ACAD9: variants seen among roughly 807,000 people sequenced by gnomAD.
The protein encoded by ACAD9 is complex I assembly factor ACAD9, mitochondrial.
ACAD9 carries 53 observed loss-of-function variants against 70.2 expected under a neutral mutation model. The ratio of observed to expected loss-of-function variants is 0.75; its 90% CI spans 0.61 to 0.95. ACAD9 has a LOEUF of 0.95. ACAD9 is among the 40% of genes least tolerant of loss of function. The probability of loss-of-function intolerance (pLI) is 0.00; values close to 1 mark genes in which losing one functional copy is unlikely to be tolerated. For missense variants in ACAD9, 777 were observed against 802.8 expected (o/e 0.97, Z 0.39); for synonymous variants, 313 against 312.1 (o/e 1.00, Z -0.03).
intron 16 of ACAD9, 63 bp downstream of exon 16, chr3:128,910,212 G>A (rs1476084999): frequency 2.5e-6 from 4 of 1,610,738 alleles, no homozygotes; most frequent in South Asian, 1.1e-5. Flanking sequence ...GCACTTTAAT[G>A]AAGTTGATTG....
rs1419179551 is a variant in ACAD9, at chr3:128,880,063, C to G, written c.150+222C>G. On this transcript the variant is annotated intron_variant, in intron 1 of 17. Coordinates refer to ENST00000308982, the MANE Select transcript of ACAD9 (RefSeq NM_014049.5). ...GGGACCCTTGGAAATGTGGTGGTGA[C>G]GTGTTCCAGCTAAATTTTGTCAGGG... 5 of 1,503,204 alleles carry G rather than the reference C, an allele frequency of 3.3e-6. No homozygotes were observed. The East Asian group carries it at 1.3e-4, about 38-fold the overall frequency. The allele number at this position is 1,503,204 out of a possible 1,614,324, so 93.1% of individuals were successfully genotyped here.
At chr3:128,885,083 G>A (rs1298075888) in intron 2 of ACAD9, among the ~76,000 whole-genome samples, 1 of 152,234 alleles carries the variant, frequency 6.6e-6, no homozygotes. Context: ...GCATGTGTTG[G>A]TTGTTGTGGC....
In ACAD9 at chr3:128,904,049, T is replaced by A. The variant is rs1365010525; in HGVS notation, c.959-13T>A. 9.3e-6 allele frequency: 15 copies of A among 1,613,624 alleles called. No homozygotes were observed. In the Middle Eastern group the frequency reaches 6.6e-4, roughly 71 times the overall value. ...ATATTCCAGTTCATTCTAATAACTC[T>A]GCTCTTCCTCAGAAATGACTGCTGA... On this transcript the variant is annotated splice_polypyrimidine_tract_variant and intron_variant, in intron 9 of 17. Coordinates refer to ENST00000308982, the MANE Select transcript of ACAD9 (RefSeq NM_014049.5).
At position 128,910,150 on chromosome 3, in the gene ACAD9, G is replaced by A. The variant is rs928866725; in HGVS notation, c.1692+1G>A. 5.0e-6 allele frequency: 8 copies of A among 1,613,910 alleles called. No individual in the cohort carries two copies. The highest frequency in any genetic ancestry group is 1.3e-5 in the African/African-American group (1 of 74,948). ...TGGGCTCCGCAACCACGACCACGAG[G>A]TGAGCCCAGCCCAGCCTCACACAGG... On this transcript the variant is annotated splice_donor_variant, in intron 16 of 17. Transcript: ENST00000308982. LOFTEE classifies it high-confidence loss of function.
chr3:128,909,967 T>C, intron 15 of ACAD9, 54 bp from the exon 16 acceptor site: 14 of 1,604,054 alleles, frequency 8.7e-6, no homozygotes, highest in South Asian at 2.3e-5. Context: ...GGAGGGACCA[T>C]GTGGGGGACT....
chr3:128,884,503 G>T, intron 1 of ACAD9, 150 bp from the exon 2 acceptor site: 1 of 619,310 alleles, frequency 1.6e-6, no homozygotes. Context: ...CAGGAACCTT[G>T]TGAGGTTTGC....
chr3:128,901,954 T>C (rs1435694935), intron 8 of ACAD9, among the ~76,000 whole-genome samples: 2 of 152,254 alleles, frequency 1.3e-5, no homozygotes, highest in Non-Finnish European at 2.9e-5. Context: ...TGCAGTCATA[T>C]ACAAGATCCA....
chr3:128,909,443 T>C, intron 15 of ACAD9, 22 bp downstream of exon 15: 1 of 1,613,134 alleles, frequency 6.2e-7, no homozygotes, highest in Non-Finnish European at 8.5e-7. Context: ...CTCCCAGGCC[T>C]GGGTCGCAAG....
At chr3:128,894,506 G>A (rs912287886) in intron 3 of ACAD9, among the ~76,000 whole-genome samples, 3 of 151,442 alleles carry the variant, frequency 2.0e-5, no homozygotes, top group African/African-American at 7.3e-5. Context: ...ACACAGAAAT[G>A]CGCTTTCTGA....
intron 12 of ACAD9, among the ~76,000 whole-genome samples, chr3:128,907,942 G>A (rs555837713): frequency 1.3e-5 from 2 of 152,194 alleles, no homozygotes; most frequent in African/African-American, 4.8e-5. Context: ...CTTGACACAC[G>A]TGAGGCTGGT....
chr3:128,895,247 A>T, intron 3 of ACAD9, 63 bp from the exon 4 acceptor site: 1 of 1,309,980 alleles, frequency 7.6e-7, no homozygotes, highest in Non-Finnish European at 1.1e-6. Flanking sequence ...AAAAAAGCCA[A>T]TGAAGCCTTA....
In ACAD9 at chr3:128,879,714, T is replaced by A. The variant is rs765582380; in HGVS notation, c.23T>A (p.Leu8Gln). The A allele has an allele frequency of 6.2e-6, 10 of 1,612,930 alleles. No homozygotes were observed. The highest frequency in any genetic ancestry group is 8.5e-6 in the Non-Finnish European group (10 of 1,179,932). MSGCGLF[L>Q]RTTAAARACR... is the part of the protein sequence containing the mutation. ...AGCATGAGCGGCTGCGGGCTCTTCCTGCGCACCACGGCTGCGGCTCGTGCC... is the reference window on the plus strand; with the variant it reads ...AGCATGAGCGGCTGCGGGCTCTTCCAGCGCACCACGGCTGCGGCTCGTGCC... Residue 8 changes from leucine (L) to glutamine (Q), a missense_variant, in exon 1 of 18, where the codon CTG becomes CAG. By Grantham distance (113) the Leu-to-Gln change is moderately radical (BLOSUM62 -2). Transcript: ENST00000308982.
At position 128,909,526 on chromosome 3, in the gene ACAD9, G is replaced by C. The variant is rs958884971; in HGVS notation, c.1563+105G>C. The C allele has an allele frequency of 4.8e-6, 6 of 1,244,304 alleles. No homozygotes were observed. In the African/African-American group the frequency reaches 8.8e-5, roughly 18 times the overall value. 77.1% of individuals were successfully genotyped at this position (1,244,304 alleles called of 1,614,324 possible). A position where few individuals can be genotyped will look rare whatever the true frequency, so the allele number is the denominator to read the frequency against. ...ATCCTTTGGGACCAGGCCTAGAACA[G>C]AAATGTTGATCACCCTGGAGGGATG... On this transcript the variant is annotated intron_variant, in intron 15 of 17. Transcript: ENST00000308982.
At chr3:128,909,799 TG>T in intron 15 of ACAD9, 1 of 657,780 alleles carries the variant, frequency 1.5e-6, no homozygotes, top group Non-Finnish European at 2.6e-6. Flanking sequence ...TTCTGGGACC[TG>T]GTCTTGCCTT....
chr3:128,880,524 C>T (rs1429722573), intron 1 of ACAD9, among the ~76,000 whole-genome samples: 1 of 150,440 alleles, frequency 6.6e-6, no homozygotes, highest in African/African-American at 2.5e-5. Context: ...TCCGGAGTAG[C>T]TGGGATTACA....
chr3:128,902,069 G>A lies in ACAD9; in HGVS notation c.883-484G>A, dbSNP rs1444781307. 2.0e-5 allele frequency among the ~76,000 whole-genome samples: 3 copies of A among 152,190 alleles called. No homozygotes were observed. Among genetic ancestry groups the A allele is most frequent in the African/African-American group, 4.8e-5 (2 of 41,438 alleles). The stretch of plus-strand genomic sequence containing the variant: ...TCCTTTTATGGCTGAATTCTCTTCT[G>A]TTGAGTGGAGATACCACATTTTGTT... On this transcript the variant is annotated intron_variant, in intron 8 of 17. Coordinates refer to ENST00000308982, the MANE Select transcript of ACAD9 (RefSeq NM_014049.5). This position sits in a 1 kb window ranked among gnomAD's most constrained non-coding sequence, Gnocchi z 4.0.
chr3:128,910,955 C>T (rs1476686528), intron 17 of ACAD9, 142 bp downstream of exon 17: 1 of 1,036,808 alleles, frequency 9.6e-7, no homozygotes, highest in East Asian at 2.4e-5. Flanking sequence ...CCTGGGTAGG[C>T]CTGGGCTTAG....
In ACAD9 at chr3:128,879,747, G is replaced by A. The variant is rs779957523; in HGVS notation, c.56G>A (p.Gly19Asp). 4 of 1,613,342 alleles carry A rather than the reference G, an allele frequency of 2.5e-6. No homozygotes were observed. Among genetic ancestry groups the A allele is most frequent in the Non-Finnish European group, 3.4e-6 (4 of 1,179,998 alleles). The change falls in exon 1 of 18, where the codon GGT (glycine) becomes GAT (aspartate). Residue 19 changes from glycine to aspartate, a missense_variant. Transcript: ENST00000308982. ...RTTAAARACR[G>D]LVVSTANRRL... is the part of the protein sequence containing the mutation. ...ACGGCTGCGGCTCGTGCCTGCCGGG[G>A]TCTGGTGGTCTCTACCGCGAACCGG...
At position 128,893,673 on chromosome 3, in the gene ACAD9, A is replaced by G. The variant is rs1411331626; in HGVS notation, c.346+17A>G. 6.2e-7 allele frequency: 1 copy of G among 1,601,904 alleles called. No individual in the cohort carries two copies. Among genetic ancestry groups the G allele is most frequent in the African/African-American group, 1.3e-5 (1 of 74,672 alleles). On this transcript the variant is annotated intron_variant, in intron 3 of 17. Transcript: ENST00000308982. The stretch of plus-strand genomic sequence containing the variant: ...AAGAATATGGTAAGTCAAGCAAACA[A>G]GCACCCAGCCAGTTTAGCTCTTAAG...
Sources: allele counts gnomAD v4.1 joint callset (sites outside exome capture counted in the v4.1 genomes callset), GRCh38; gene constraint gnomAD v4.1.1; non-coding constraint Gnocchi (gnomAD v3.1); transcripts MANE v1.5; gene names NCBI Gene and HGNC (gene_info 2026-07-23, HGNC 2026-07-21).